The following DENND2A variants were observed in gnomAD, a reference collection of about 807,000 sequenced individuals.
The protein encoded by DENND2A is DENN domain-containing protein 2A.
DENND2A carries 53 observed loss-of-function variants against 105.3 expected under a neutral mutation model. The observed-to-expected ratio is 0.50, with a 90% confidence interval of 0.40 to 0.63. DENND2A has a LOEUF of 0.63. Among genes scored for constraint, DENND2A ranks in the 30% least tolerant of loss-of-function variants. The pLI is 0.00. For missense variants in DENND2A, 1,138 were observed against 1,279.6 expected, an observed-to-expected ratio of 0.89 and a Z score of 1.69; for synonymous variants, 522 against 508.4, an observed-to-expected ratio of 1.03 and a Z score of -0.36.
At chr7:140,521,255 C>T (rs1795849434) in intron 18 of DENND2A, among the ~76,000 whole-genome samples, 1 of 151,954 alleles carries the variant, frequency 6.6e-6, no homozygotes, top group South Asian at 2.1e-4. Flanking sequence ...GTAACTCATA[C>T]TCTCCAATCA....
chr7:140,531,588 C>T (rs1399375669), intron 14 of DENND2A, among the ~76,000 whole-genome samples: 2 of 151,848 alleles, frequency 1.3e-5, no homozygotes, highest in Non-Finnish European at 2.9e-5. Context: ...CACCTGAGGT[C>T]AGGAGTTCAA....
intron 1 of DENND2A, among the ~76,000 whole-genome samples, chr7:140,621,748 T>C (rs1800300617): frequency 6.6e-6 from 1 of 152,146 alleles, no homozygotes. Context: ...AAGATGCACA[T>C]GAATGTCTCC....
At chr7:140,598,233 G>C (rs2130677720) in intron 3 of DENND2A, among the ~76,000 whole-genome samples, 1 of 152,258 alleles carries the variant, frequency 6.6e-6, no homozygotes, top group Middle Eastern at 3.4e-3. Context: ...ATGATCATCA[G>C]GAGTTTCTGA....
At chr7:140,636,651 A>AAGTATCAG (rs904930612) in intron 1 of DENND2A, among the ~76,000 whole-genome samples, 3 of 151,144 alleles carry the variant, frequency 2.0e-5, no homozygotes, top group African/African-American at 7.3e-5. Flanking sequence ...AGTGAGCCCT[A>AAGTATCAG]AGTATCAGTT....
At chr7:140,554,742 T>A (rs1271489126) in intron 12 of DENND2A, among the ~76,000 whole-genome samples, 1 of 152,154 alleles carries the variant, frequency 6.6e-6, no homozygotes, top group African/African-American at 2.4e-5. Context: ...GGATAGTAAT[T>A]CTCTCCTATA....
At chr7:140,562,359 A>T (rs1046350518) in intron 9 of DENND2A, among the ~76,000 whole-genome samples, 22 of 152,036 alleles carry the variant, frequency 1.4e-4, no homozygotes, top group Non-Finnish European at 2.9e-4. Flanking sequence ...GATTGTTTCC[A>T]ACTTTAAAAA....
In DENND2A at chr7:140,523,190, TTC is replaced by T; in HGVS notation, c.2665+115_2665+116del. On this transcript the variant is annotated intron_variant, in intron 17 of 19. Coordinates refer to ENST00000496613, the MANE Select transcript of DENND2A (RefSeq NM_015689.5). The surrounding 1 kb of genome is among the most constrained non-coding windows in gnomAD (Gnocchi z 4.5). ...CAGATAAACAGAATGAGGCCCTGGT[TTC>T]TCTCCTTATGTCTCCCTTGCCCATA... 1.1e-6 allele frequency: 1 copy of T among 887,564 alleles called. No individual in the cohort carries two copies. Among genetic ancestry groups the T allele is most frequent in the Non-Finnish European group, 1.8e-6 (1 of 549,432 alleles). The allele number at this position is 887,564 out of a possible 1,614,324, so 55.0% of individuals were successfully genotyped here.
intron 5 of DENND2A, among the ~76,000 whole-genome samples, chr7:140,582,120 A>G (rs1798570888): frequency 6.6e-6 from 1 of 151,940 alleles, no homozygotes; most frequent in Non-Finnish European, 1.5e-5. Flanking sequence ...ACCCGCCACC[A>G]CACCTGGCTA....
intron 9 of DENND2A, among the ~76,000 whole-genome samples, chr7:140,563,306 C>T (rs1184670594): frequency 2.0e-5 from 3 of 152,138 alleles, no homozygotes; most frequent in South Asian, 4.1e-4. Context: ...CATCAACCTA[C>T]GAGTTATCAG....
intron 12 of DENND2A, among the ~76,000 whole-genome samples, chr7:140,549,231 A>G (rs1362573323): frequency 2.0e-5 from 3 of 152,050 alleles, no homozygotes; most frequent in African/African-American, 7.2e-5. Flanking sequence ...TCTAAAAAAA[A>G]AAAGTGTAAA....
In DENND2A at chr7:140,567,180, C is replaced by T. The variant is rs202084618; in HGVS notation, c.1685G>A (p.Arg562Lys). 404 of 1,613,788 alleles carry T rather than the reference C, an allele frequency of 2.5e-4. No homozygotes were observed. The highest frequency in any genetic ancestry group is 3.3e-4 in the Non-Finnish European group (390 of 1,179,956). Reference protein sequence around the residue: ...LARELIEYQERQLFEYFVVVS... With the variant: ...LARELIEYQEKQLFEYFVVVS... ...AACCACAAAGTACTCGAAGAGCTGC[C>T]TCTCCTGGTACTCGATGAGTTCCCG... Residue 562 changes from arginine (R) to lysine (K), a missense_variant, in exon 9 of 20, where the codon AGG (arginine) becomes AAG (lysine). Physicochemically the swap from Arg to Lys is conservative, Grantham distance 26. Transcript: ENST00000496613.
intron 17 of DENND2A, 97 bp from the exon 18 acceptor site, chr7:140,522,197 C>T (rs1180653898): frequency 6.8e-7 from 1 of 1,474,708 alleles, no homozygotes; most frequent in Admixed American, 2.2e-5. Flanking sequence ...ACAGTAACTG[C>T]TAGTTCCCTT....
chr7:140,552,636 G>A (rs945998767), intron 12 of DENND2A, among the ~76,000 whole-genome samples: 20 of 152,004 alleles, frequency 1.3e-4, no homozygotes, highest in African/African-American at 4.3e-4. Flanking sequence ...GGGCTCAAGC[G>A]ATCCTCCCAC....
Position 140,540,049 on chromosome 7 carries a change from C to A in DENND2A, c.2327+4569G>T, listed in dbSNP as rs187178249. On this transcript the variant is annotated intron_variant, in intron 14 of 19. Coordinates refer to ENST00000496613, the MANE Select transcript of DENND2A (RefSeq NM_015689.5). ...CCAACGGCTAAGGATGCTCAGGGGT[C>A]CCCCCTACTCTGGGAAACCTCCCTG... 2.9e-3 allele frequency among the ~76,000 whole-genome samples: 443 copies of A among 152,318 alleles called. 4 individuals carry two copies. Among genetic ancestry groups the A allele is most frequent in the Non-Finnish European group, 3.1e-3 (209 of 68,032 alleles).
intron 3 of DENND2A, among the ~76,000 whole-genome samples, chr7:140,592,913 T>C (rs1799123166): frequency 6.6e-6 from 1 of 152,164 alleles, no homozygotes; most frequent in Non-Finnish European, 1.5e-5. Flanking sequence ...CACCTAGCAT[T>C]ATTTCTACAG....
At chr7:140,619,725 C>T (rs1800211137) in intron 1 of DENND2A, among the ~76,000 whole-genome samples, 1 of 151,958 alleles carries the variant, frequency 6.6e-6, no homozygotes, top group Non-Finnish European at 1.5e-5. Context: ...CTCTTGAACT[C>T]CTGACCTCAA....
intron 14 of DENND2A, among the ~76,000 whole-genome samples, chr7:140,529,930 C>T (rs996302874): frequency 3.3e-5 from 5 of 151,964 alleles, no homozygotes; most frequent in Non-Finnish European, 7.4e-5. Flanking sequence ...TACCCTAAAA[C>T]TTAAAAGTAT....
chr7:140,564,778 A>G (rs1797770225), intron 9 of DENND2A, among the ~76,000 whole-genome samples: 1 of 152,202 alleles, frequency 6.6e-6, no homozygotes, highest in East Asian at 1.9e-4. Context: ...CTTGATTCCT[A>G]CAACACTGAT....
At position 140,578,835 on chromosome 7, in the gene DENND2A, C is replaced by T. The variant is rs543197261; in HGVS notation, c.1246-4827G>A. On this transcript the variant is annotated intron_variant, in intron 5 of 19. Coordinates refer to ENST00000496613, the MANE Select transcript of DENND2A (RefSeq NM_015689.5). ...GTTGCAGTGAGCTGAGATCATGCCA[C>T]TGCACTCTAGCCTGGGCGACAGCGT... 3.9e-5 allele frequency among the ~76,000 whole-genome samples: 6 copies of T among 152,328 alleles called. No homozygotes were observed. The East Asian group carries it at 1.2e-3, about 29-fold the overall frequency.
Sources: allele counts gnomAD v4.1 joint callset (sites outside exome capture counted in the v4.1 genomes callset), GRCh38; gene constraint gnomAD v4.1.1; non-coding constraint Gnocchi (gnomAD v3.1); transcripts MANE v1.5; gene names NCBI Gene and HGNC (gene_info 2026-07-23, HGNC 2026-07-21).